The following DAPK1 variants were observed in gnomAD, a reference collection of about 807,000 sequenced individuals.
The protein encoded by DAPK1 is death-associated protein kinase 1.
DAPK1 carries 56 observed loss-of-function variants against 144.9 expected under a neutral mutation model. The ratio of observed to expected loss-of-function variants is 0.39; its 90% CI spans 0.31 to 0.48. The LOEUF is 0.48. Ranked by LOEUF, DAPK1 falls within the 20% of genes least tolerant of loss-of-function variation. The pLI is 0.95. For synonymous variants in DAPK1, 690 were observed against 749.0 expected, an observed-to-expected ratio of 0.92 and a Z score of 1.29; for missense variants, 1,454 against 1,875.4, an observed-to-expected ratio of 0.78 and a Z score of 4.15.
intron 3 of DAPK1, chr9:87,633,464 T>A (rs1341190999): frequency 1.1e-6 from 1 of 869,920 alleles, no homozygotes; most frequent in African/African-American, 1.8e-5. Flanking sequence ...ACTGAAGGAC[T>A]TGGTTGCCTG....
At chr9:87,591,045 A>C (rs1005241971) in intron 2 of DAPK1, among the ~76,000 whole-genome samples, 4 of 152,218 alleles carry the variant, frequency 2.6e-5, no homozygotes, top group African/African-American at 9.6e-5. Flanking sequence ...TCTTATTTAC[A>C]AAATATTTAG....
chr9:87,528,956 C>G lies in DAPK1; in HGVS notation c.62+29817C>G, dbSNP rs540457944. ...CTATATACCCTGGTATATGACCTTC[C>G]AGGGACATTCAACTGGTAAGGGAAG... On this transcript the variant is annotated intron_variant, in intron 2 of 25. Coordinates refer to ENST00000408954, the MANE Select transcript of DAPK1 (RefSeq NM_004938.4). 1.2e-3 allele frequency among the ~76,000 whole-genome samples: 181 copies of G among 151,956 alleles called. 1 individual carries two copies. The highest frequency in any genetic ancestry group is 3.5e-3 in the Middle Eastern group (1 of 286).
chr9:87,595,613 G>A (rs1338526472), intron 2 of DAPK1, among the ~76,000 whole-genome samples: 5 of 152,198 alleles, frequency 3.3e-5, no homozygotes, highest in South Asian at 2.1e-4. Flanking sequence ...AAACCAGTGC[G>A]TGGAGCCCGA....
chr9:87,687,532 A>G (rs1824906101), intron 21 of DAPK1, among the ~76,000 whole-genome samples: 1 of 152,024 alleles, frequency 6.6e-6, no homozygotes, highest in South Asian at 2.1e-4. Flanking sequence ...TTCTTTATTC[A>G]TTTGTTCCTT....
At chr9:87,701,818 A>G (rs1262877401) in intron 24 of DAPK1, 1 of 465,620 alleles carries the variant, frequency 2.1e-6, no homozygotes, top group South Asian at 1.6e-5. Context: ...TTCTCGGGAA[A>G]CCCTTTCCTG....
At chr9:87,597,964 C>T (rs1828379500) in intron 2 of DAPK1, among the ~76,000 whole-genome samples, 1 of 152,220 alleles carries the variant, frequency 6.6e-6, no homozygotes, top group African/African-American at 2.4e-5. Context: ...TCTGCAACAG[C>T]AACTGCGTCC....
intron 2 of DAPK1, among the ~76,000 whole-genome samples, chr9:87,546,831 A>G (rs1028357385): frequency 1.1e-4 from 17 of 152,008 alleles, no homozygotes; most frequent in Admixed American, 3.3e-4. Context: ...CACTGCCTAG[A>G]GCAATCTGCA....
intron 2 of DAPK1, among the ~76,000 whole-genome samples, chr9:87,528,871 CAAAAAAA>C (rs34492541): frequency 3.4e-4 from 36 of 104,920 alleles, no homozygotes; most frequent in Non-Finnish European, 7.7e-5. Context: ...GACTCCATCT[CAAAAAAA>C]AAAAAAAAAA....
chr9:87,510,048 A>G (rs1235370739), intron 2 of DAPK1, among the ~76,000 whole-genome samples: 1 of 152,224 alleles, frequency 6.6e-6, no homozygotes, highest in East Asian at 1.9e-4. Context: ...TCCATCGTAT[A>G]TTCCATTACA....
intron 20 of DAPK1, among the ~76,000 whole-genome samples, chr9:87,685,122 T>C (rs1824790018): frequency 6.6e-6 from 1 of 152,208 alleles, no homozygotes; most frequent in African/African-American, 2.4e-5. Flanking sequence ...TATGTTGACA[T>C]CAAGACTTAC....
At chr9:87,590,247 A>G (rs996862980) in intron 2 of DAPK1, among the ~76,000 whole-genome samples, 6 of 151,724 alleles carry the variant, frequency 4.0e-5, no homozygotes, top group African/African-American at 1.5e-4. Context: ...AGACGTGGAG[A>G]CTCGAATTTT....
At chr9:87,696,532 G>A (rs1825265926) in intron 21 of DAPK1, among the ~76,000 whole-genome samples, 1 of 152,192 alleles carries the variant, frequency 6.6e-6, no homozygotes, top group African/African-American at 2.4e-5. Context: ...AAGGGGCGTG[G>A]CACCAGCATC....
chr9:87,706,815 C>T lies in DAPK1; in HGVS notation c.3744C>T (p.Pro1248=), dbSNP rs1274247713. 7.4e-6 allele frequency: 12 copies of T among 1,613,484 alleles called. No homozygotes were observed. Among genetic ancestry groups the T allele is most frequent in the Middle Eastern group, 1.6e-4 (1 of 6,082 alleles). ...SPQQLREHHE[P]VMIYQPRDFF... ...AGCAGCTGCGGGAGCACCATGAGCC[C>T]GTCATGATCTACCAGCCACGGGACT... The change falls in exon 26 of 26, where the codon CCC becomes CCT. Residue 1248 remains proline (P), a synonymous_variant. Transcript: ENST00000408954. The surrounding 1 kb of genome is among the most constrained non-coding windows in gnomAD (Gnocchi z 9.0).
intron 7 of DAPK1, 46 bp from the exon 8 acceptor site, chr9:87,640,252 C>T (rs749419945): frequency 6.3e-7 from 1 of 1,579,406 alleles, no homozygotes; most frequent in Non-Finnish European, 8.6e-7. Flanking sequence ...ATGACAACAC[C>T]AAGGGGTCAT....
At chr9:87,685,578 C>G (rs1324477238) in intron 20 of DAPK1, among the ~76,000 whole-genome samples, 1 of 152,190 alleles carries the variant, frequency 6.6e-6, no homozygotes, top group Non-Finnish European at 1.5e-5. Flanking sequence ...GCAGCTTCTG[C>G]CTGCACAAGC....
rs1002716450 is a variant in DAPK1, at chr9:87,564,289, A to C, written c.63-40665A>C. Among the ~76,000 whole-genome samples, 7 of 152,108 alleles carry C rather than the reference A, an allele frequency of 4.6e-5. No homozygotes were observed. The East Asian group carries it at 1.3e-3, about 29-fold the overall frequency. ...TGACAAGGCATAGAGAATAACTACT[A>C]TGTGATGTCAGGGGGTATGGCTGAC... is the stretch of plus-strand genomic sequence containing the variant. On this transcript the variant is annotated intron_variant, in intron 2 of 25. Coordinates refer to ENST00000408954, the MANE Select transcript of DAPK1 (RefSeq NM_004938.4).
At chr9:87,532,960 T>C (rs1224991654) in intron 2 of DAPK1, among the ~76,000 whole-genome samples, 1 of 152,178 alleles carries the variant, frequency 6.6e-6, no homozygotes, top group African/African-American at 2.4e-5. Context: ...ATTTCAACAA[T>C]AGGTTACTTT....
intron 21 of DAPK1, among the ~76,000 whole-genome samples, chr9:87,693,188 T>A (rs76001334): frequency 0.014 from 2,189 of 151,820 alleles, 58 homozygotes; most frequent in African/African-American, 0.049. Context: ...TCAGTTTCTC[T>A]TTACCTTTGG....
chr9:87,617,548 C>T (rs1355347522), intron 3 of DAPK1, among the ~76,000 whole-genome samples: 1 of 152,200 alleles, frequency 6.6e-6, no homozygotes, highest in African/African-American at 2.4e-5. Context: ...ACTCTCATTC[C>T]CCCTTCAGAT....
Sources: allele counts gnomAD v4.1 joint callset (sites outside exome capture counted in the v4.1 genomes callset), GRCh38; gene constraint gnomAD v4.1.1; non-coding constraint Gnocchi (gnomAD v3.1); transcripts MANE v1.5; gene names NCBI Gene and HGNC (gene_info 2026-07-23, HGNC 2026-07-21).